The following ZHX2 variants were observed in gnomAD, a reference collection of about 807,000 sequenced individuals.
The protein encoded by ZHX2 is zinc fingers and homeoboxes 2.
ZHX2 carries 6 observed loss-of-function variants against 21.9 expected under a neutral mutation model. That is an observed-to-expected ratio of 0.27 (90% confidence interval 0.15 to 0.54). ZHX2 has a LOEUF of 0.54. Among genes scored for constraint, ZHX2 ranks in the 20% least tolerant of loss-of-function variants. The pLI is 0.95. For synonymous variants in ZHX2, 434 were observed against 437.1 expected (o/e 0.99, Z 0.09); for missense variants, 908 against 1,090.7 (o/e 0.83, Z 2.36).
chr8:122,843,515 C>T (rs1016862719), intron 1 of ZHX2, among the ~76,000 whole-genome samples: 2 of 152,228 alleles, frequency 1.3e-5, no homozygotes, highest in African/African-American at 4.8e-5. Flanking sequence ...TTGGCCCCCA[C>T]CGTGAGACAG....
chr8:122,788,486 G>A (rs932996503), intron 1 of ZHX2, among the ~76,000 whole-genome samples: 4 of 152,218 alleles, frequency 2.6e-5, no homozygotes, highest in African/African-American at 7.2e-5. Context: ...AGGATCGCTT[G>A]AGCCCGGGAG....
intron 3 of ZHX2, among the ~76,000 whole-genome samples, chr8:122,970,557 A>C (rs1813695092): frequency 6.6e-6 from 1 of 152,140 alleles, no homozygotes; most frequent in African/African-American, 2.4e-5. Context: ...CTCCAACTCC[A>C]CAGCTCTTTC....
In ZHX2 at chr8:122,828,303, G is replaced by A. The variant is rs1818304226; in HGVS notation, c.-282-35174G>A. On this transcript the variant is annotated intron_variant, in intron 1 of 3. Coordinates refer to ENST00000314393, the MANE Select transcript of ZHX2 (RefSeq NM_014943.5). This position sits in a 1 kb window ranked among gnomAD's most constrained non-coding sequence, Gnocchi z 5.2. ...AATTCCTGTTTCTTCAGGAGCTGAA[G>A]ATAGAGAAAGTATCTGTACAGTGCA... Among the ~76,000 whole-genome samples, 1 of 152,196 alleles carries A rather than the reference G, an allele frequency of 6.6e-6. No individual in the cohort carries two copies. The highest frequency in any genetic ancestry group is 2.1e-4 in the South Asian group (1 of 4,828).
chr8:122,859,852 C>G (rs1300285074), intron 1 of ZHX2, among the ~76,000 whole-genome samples: 7 of 152,164 alleles, frequency 4.6e-5, no homozygotes, highest in Admixed American at 4.6e-4. Flanking sequence ...AGCACAGAAT[C>G]AGATATATAT....
At chr8:122,935,972 A>G (rs1812677874) in intron 2 of ZHX2, among the ~76,000 whole-genome samples, 1 of 152,224 alleles carries the variant, frequency 6.6e-6, no homozygotes, top group South Asian at 2.1e-4. Context: ...AGAATCTTAT[A>G]CCTTATTCCC....
chr8:122,799,804 T>G (rs979235741), intron 1 of ZHX2, among the ~76,000 whole-genome samples: 2 of 152,250 alleles, frequency 1.3e-5, no homozygotes, highest in Admixed American at 6.5e-5. Flanking sequence ...CCCTCAGCCT[T>G]TGCTTTGTAG....
chr8:122,930,741 C>T (rs1255473920), intron 2 of ZHX2, among the ~76,000 whole-genome samples: 7 of 151,804 alleles, frequency 4.6e-5, no homozygotes, highest in African/African-American at 1.7e-4. Flanking sequence ...CTGACTGCCT[C>T]GGTCTCCCAA....
intron 2 of ZHX2, among the ~76,000 whole-genome samples, chr8:122,909,595 C>T (rs1321013764): frequency 6.6e-6 from 1 of 151,972 alleles, no homozygotes; most frequent in Non-Finnish European, 1.5e-5. Flanking sequence ...ATAATCCCCT[C>T]CTCCTCCTCT....
chr8:122,959,339 T>C (rs965730905), intron 3 of ZHX2, among the ~76,000 whole-genome samples: 1 of 152,194 alleles, frequency 6.6e-6, no homozygotes, highest in African/African-American at 2.4e-5. Context: ...AGAAGAGGTA[T>C]GCCCTCACAC....
At position 122,828,033 on chromosome 8, in the gene ZHX2, G is replaced by A. The variant is rs1401106787; in HGVS notation, c.-282-35444G>A. On this transcript the variant is annotated intron_variant, in intron 1 of 3. Coordinates refer to ENST00000314393, the MANE Select transcript of ZHX2 (RefSeq NM_014943.5). The surrounding 1 kb of genome is among the most constrained non-coding windows in gnomAD (Gnocchi z 5.2). The stretch of plus-strand genomic sequence containing the variant: ...GGAGGCTGAGATGGGAGGATCACTT[G>A]AGCCCAGAAGGTTGAGGTTGGAGTG... Among the ~76,000 whole-genome samples the A allele has an allele frequency of 1.3e-5, 2 of 152,212 alleles. No individual in the cohort carries two copies. The highest frequency in any genetic ancestry group is 4.8e-5 in the African/African-American group (2 of 41,454).
At chr8:122,781,160 C>T (rs969835214), upstream of ZHX2, 3 of 152,194 alleles carry the variant, frequency 2.0e-5, no homozygotes, top group Non-Finnish European at 4.4e-5. The surrounding 1 kb of genome is among the most constrained non-coding windows in gnomAD (Gnocchi z 4.6). Context: ...TGGCCCCACC[C>T]GCGCACAGTC....
At chr8:122,934,771 C>T (rs915513613) in intron 2 of ZHX2, among the ~76,000 whole-genome samples, 3 of 152,136 alleles carry the variant, frequency 2.0e-5, no homozygotes, top group African/African-American at 7.2e-5. Flanking sequence ...TCACTGCAAC[C>T]TCTGCCTCCC....
intron 1 of ZHX2, among the ~76,000 whole-genome samples, chr8:122,818,271 G>A (rs1212925718): frequency 6.6e-6 from 1 of 151,042 alleles, no homozygotes; most frequent in East Asian, 1.9e-4. Flanking sequence ...CTTTATTTGG[G>A]GTTGAGAAAA....
At chr8:122,850,800 G>A (rs1022320644) in intron 1 of ZHX2, among the ~76,000 whole-genome samples, 6 of 151,246 alleles carry the variant, frequency 4.0e-5, no homozygotes, top group African/African-American at 1.5e-4. Flanking sequence ...TTAAAAACAT[G>A]GGTCAGATTT....
At chr8:122,912,211 A>G (rs7819862) in intron 2 of ZHX2, among the ~76,000 whole-genome samples, 45,448 of 152,186 alleles carry the variant, frequency 0.3, 8,496 homozygotes, top group African/African-American at 0.53. Context: ...CACATAGCAC[A>G]GACTCAGAGA....
chr8:122,896,673 A>G (rs1044052002), intron 2 of ZHX2, among the ~76,000 whole-genome samples: 67 of 152,364 alleles, frequency 4.4e-4, no homozygotes, highest in African/African-American at 1.5e-3. Context: ...CTAGGATACC[A>G]GGGTTCAGAC....
At chr8:122,892,672 C>G (rs1422250987) in intron 2 of ZHX2, among the ~76,000 whole-genome samples, 1 of 151,990 alleles carries the variant, frequency 6.6e-6, no homozygotes, top group Non-Finnish European at 1.5e-5. Flanking sequence ...TTAAGCATGT[C>G]TTTTTTTATT....
At chr8:122,812,240 G>A (rs1297199053) in intron 1 of ZHX2, among the ~76,000 whole-genome samples, 1 of 152,194 alleles carries the variant, frequency 6.6e-6, no homozygotes, top group Non-Finnish European at 1.5e-5. Flanking sequence ...AAAAGGCCAT[G>A]CATTCTGGAG....
chr8:122,853,682 G>T (rs529015875), intron 1 of ZHX2, among the ~76,000 whole-genome samples: 11 of 152,010 alleles, frequency 7.2e-5, no homozygotes, highest in African/African-American at 2.2e-4. Context: ...CCCTTCTCTG[G>T]CTGGCAATTT....
Sources: allele counts gnomAD v4.1 joint callset (sites outside exome capture counted in the v4.1 genomes callset), GRCh38; gene constraint gnomAD v4.1.1; non-coding constraint Gnocchi (gnomAD v3.1); transcripts MANE v1.5; gene names NCBI Gene and HGNC (gene_info 2026-07-23, HGNC 2026-07-21).